Variants in MYO19 observed in about 807,000 individuals in gnomAD.
The protein encoded by MYO19 is unconventional myosin-XIX.
Under a neutral mutation model 129.2 loss-of-function variants are expected in MYO19, and 132 were observed. The ratio of observed to expected loss-of-function variants is 1.02; its 90% CI spans 0.89 to 1.18. MYO19 has a LOEUF of 1.18. MYO19 is among the 50% of genes most tolerant of loss of function. The pLI is 0.00. For synonymous variants in MYO19, 531 were observed against 477.2 expected (o/e 1.11, Z -1.47); for missense variants, 1,210 against 1,216.7 (o/e 0.99, Z 0.08).
At position 36,507,414 on chromosome 17, in the gene MYO19, G is replaced by A. The variant is rs1225044864; in HGVS notation, c.1452C>T (p.Cys484=). 1.9e-6 allele frequency: 3 copies of A among 1,613,448 alleles called. No homozygotes were observed. Among genetic ancestry groups the A allele is most frequent in the Admixed American group, 1.7e-5 (1 of 60,020 alleles). ...DLIEGSPISI[C]SLINEECRLN... ...ACCTCCCCACCTCATTTATGAGGGA[G>A]CAGATGCTGATGGGGCTTCCCTCAA... Residue 484 remains cysteine (C), a synonymous_variant, in exon 16 of 26, where the codon TGC becomes TGT. Coordinates refer to ENST00000614623, the MANE Select transcript of MYO19 (RefSeq NM_001163735.2).
chr17:36,525,628 A>G (rs1236017630), intron 5 of MYO19, among the ~76,000 whole-genome samples: 1 of 152,276 alleles, frequency 6.6e-6, no homozygotes, highest in Middle Eastern at 3.4e-3. Flanking sequence ...CCTTCTGCCT[A>G]TTACTTCATA....
At position 36,501,131 on chromosome 17, in the gene MYO19, C is replaced by T. The variant is rs1250705062; in HGVS notation, c.2185G>A (p.Ala729Thr). The change falls in exon 22 of 26, where the codon GCT becomes ACT. Residue 729 changes from alanine (A) to threonine (T), a missense_variant. By Grantham distance (58) the Ala-to-Thr change is moderately conservative (BLOSUM62 0). Transcript: ENST00000614623. ...TGCATGGGGGCTGGCATGGCCTCAG[C>T]CGAGTCACCAGTTATGGCTGCTGCC... ...TQAAAITGDS[A>T]EAMPAPMHCG... 1 of 1,614,072 alleles carries T rather than the reference C, an allele frequency of 6.2e-7. No homozygotes were observed. The highest frequency in any genetic ancestry group is 1.1e-5 in the South Asian group (1 of 91,086).
intron 4 of MYO19, 128 bp downstream of exon 4, chr17:36,527,936 G>A (rs2073580981): frequency 7.5e-7 from 1 of 1,342,192 alleles, no homozygotes; most frequent in East Asian, 2.5e-5. Context: ...GAGGTCTGGA[G>A]CAGCCCACCT....
chr17:36,507,329 G>A, intron 16 of MYO19, 70 bp downstream of exon 16: 6 of 1,481,956 alleles, frequency 4.0e-6, no homozygotes, highest in Non-Finnish European at 5.6e-6. Context: ...GAGGAAACAG[G>A]ATAATCATCA....
rs774868386 is a variant in MYO19, at chr17:36,511,439, A to G, written c.911T>C (p.Leu304Pro). The change falls in exon 12 of 26, where the codon CTG (leucine) becomes CCG (proline). Residue 304 changes from leucine (L) to proline (P), a missense_variant. Transcript: ENST00000614623. ...NNIFKVLAGL[L>P]HLGNIQFAAS... The stretch of plus-strand genomic sequence containing the variant: ...AGCAAACTGGATATTGCCAAGGTGC[A>G]GCAGTCCAGCTAGGACCTGGGGGAA... The G allele has an allele frequency of 6.4e-6, 10 of 1,564,076 alleles. No individual in the cohort carries two copies. Among genetic ancestry groups the G allele is most frequent in the Non-Finnish European group, 8.7e-6 (10 of 1,154,378 alleles).
upstream of MYO19, chr17:36,538,404 G>C: frequency 6.2e-7 from 1 of 1,614,124 alleles, no homozygotes; most frequent in Non-Finnish European, 8.5e-7. Context: ...CGAAAGAATG[G>C]AACCCAGTCT....
Position 36,507,840 on chromosome 17 carries a change from T to C in MYO19, c.1316A>G (p.Gln439Arg). The C allele has an allele frequency of 2.5e-6, 4 of 1,613,620 alleles. No individual in the cohort carries two copies. The highest frequency in any genetic ancestry group is 1.1e-5 in the South Asian group (1 of 91,030). ...LCINYANEKL[Q>R]QHFVAHYLRA... ...TAGGTAGTGAGCCACAAAATGCTGC[T>C]GCAGCTTCTCATTGGCGTAGTTGAT... is the stretch of plus-strand genomic sequence containing the variant. Residue 439 changes from glutamine (Q) to arginine (R), a missense_variant, in exon 15 of 26, where the codon CAG (glutamine) becomes CGG (arginine). By Grantham distance (43) the Gln-to-Arg change is conservative. Coordinates refer to ENST00000614623, the MANE Select transcript of MYO19 (RefSeq NM_001163735.2).
Position 36,498,479 on chromosome 17 carries a change from G to A in MYO19, c.2544C>T (p.Ser848=). 1 of 1,614,064 alleles carries A rather than the reference G, an allele frequency of 6.2e-7. No individual in the cohort carries two copies. Among genetic ancestry groups the A allele is most frequent in the Non-Finnish European group, 8.5e-7 (1 of 1,179,892 alleles). ...KHFSQAPCSL[S]TSPLQTRLLE... ...GGAGCCTGGTCTGCAGCGGCGAGGT[G>A]CTCAGGGAACAGGGAGCTTGAGAGA... Residue 848 remains serine, a synonymous_variant, in exon 25 of 26, where the codon AGC becomes AGT. Transcript: ENST00000614623.
intron 24 of MYO19, 116 bp downstream of exon 24, chr17:36,498,959 A>T (rs1460268233): frequency 1.3e-6 from 1 of 790,278 alleles, no homozygotes; most frequent in Non-Finnish European, 2.1e-6. Context: ...CAGAGAGGCT[A>T]AACAACCTGC....
intron 25 of MYO19, among the ~76,000 whole-genome samples, chr17:36,497,172 A>C (rs1299226202): frequency 7.8e-6 from 1 of 127,870 alleles, no homozygotes; most frequent in Non-Finnish European, 1.8e-5. Flanking sequence ...TCTATTAAAA[A>C]TACAAAAAAA....
chr17:36,538,845 C>T, upstream of MYO19: 1 of 418,262 alleles, frequency 2.4e-6, no homozygotes, highest in Non-Finnish European at 4.4e-6. Flanking sequence ...CCTCCACCTC[C>T]CGGGTTCAAG....
chr17:36,544,417 C>A (rs1029614577), upstream of MYO19, among the ~76,000 whole-genome samples: 1 of 152,196 alleles, frequency 6.6e-6, no homozygotes, highest in African/African-American at 2.4e-5. Flanking sequence ...AAGAGCCAGA[C>A]CTGAGTTTGT....
intron 25 of MYO19, chr17:36,497,533 T>G: frequency 1.0e-6 from 1 of 985,218 alleles, no homozygotes; most frequent in Non-Finnish European, 1.2e-6. Flanking sequence ...TTTTTTGCTA[T>G]GTCTCGTGAA....
Position 36,528,192 on chromosome 17 carries a change from T to C in MYO19, c.23A>G (p.His8Arg), listed in dbSNP as rs1411430496. 7.0e-6 allele frequency: 11 copies of C among 1,582,588 alleles called. No homozygotes were observed. The highest frequency in any genetic ancestry group is 3.4e-5 in the South Asian group (3 of 87,110). ...GGCTTGGCCATCAGACCCCGGATTG[T>C]GGCCATTGACCTGGAAGAGATAACG... The part of the protein sequence containing the change: MLQQVNG[H>R]NPGSDGQARE... Residue 8 changes from histidine (H) to arginine (R), a missense_variant, in exon 4 of 26, where the codon CAC (histidine) becomes CGC (arginine). Physicochemically the swap from His to Arg is conservative, Grantham distance 29. Transcript: ENST00000614623.
At chr17:36,522,750 G>A (rs2073215813) in intron 6 of MYO19, among the ~76,000 whole-genome samples, 1 of 152,114 alleles carries the variant, frequency 6.6e-6, no homozygotes, top group African/African-American at 2.4e-5. Flanking sequence ...GCTCACGCCT[G>A]TAATCCCAGC....
At chr17:36,532,817 T>C (rs1267625404) in intron 2 of MYO19, 136 bp from the exon 3 acceptor site, 1 of 545,516 alleles carries the variant, frequency 1.8e-6, no homozygotes, top group African/African-American at 1.9e-5. Flanking sequence ...GGGCCTGTCC[T>C]TTCCCTTGCC....
chr17:36,510,606 G>C, intron 13 of MYO19, 140 bp downstream of exon 13: 1 of 910,560 alleles, frequency 1.1e-6, no homozygotes, highest in Non-Finnish European at 1.6e-6. Flanking sequence ...CCAGGGGTTT[G>C]AGGAGCAGGG....
intron 9 of MYO19, among the ~76,000 whole-genome samples, chr17:36,514,115 C>A (rs1037851379): frequency 6.6e-6 from 1 of 152,124 alleles, no homozygotes; most frequent in African/African-American, 2.4e-5. Context: ...TAGGGAAGCC[C>A]TTGTTCTGTT....
At chr17:36,513,138 T>C in intron 11 of MYO19, 1 of 1,388,926 alleles carries the variant, frequency 7.2e-7, no homozygotes, top group Non-Finnish European at 9.3e-7. Context: ...GCGGTAGCAC[T>C]AGTTCTCTCT....
Sources: gnomAD v4.1 joint callset for allele counts (sites outside exome capture counted in the v4.1 genomes callset) on GRCh38, gnomAD v4.1.1 for gene constraint, MANE v1.5 for transcripts, NCBI Gene and HGNC (gene_info 2026-07-23, HGNC 2026-07-21) for gene names.